Variants in TARM1 observed in about 807,000 individuals in gnomAD.
The protein encoded by TARM1 is T cell-interacting, activating receptor on myeloid cells 1.
Under a neutral mutation model 30.4 loss-of-function variants are expected in TARM1, and 24 were observed. That is an observed-to-expected ratio of 0.79 (90% CI 0.57 to 1.11). TARM1 has a LOEUF of 1.11. Among genes scored for constraint, TARM1 ranks in the 50% least tolerant of loss-of-function variants. TARM1 has a pLI of 0.00. For missense variants in TARM1, 323 were observed against 332.8 expected, an observed-to-expected ratio of 0.97 and a Z score of 0.23; for synonymous variants, 129 against 138.9, an observed-to-expected ratio of 0.93 and a Z score of 0.50.
chr19:54,080,108 G>GAGAAAGAGA (rs2072067422), intron 1 of TARM1, among the ~76,000 whole-genome samples: 4 of 21,470 alleles, frequency 1.9e-4, no homozygotes, highest in African/African-American at 1.0e-3. Context: ...AGGAAGGAAG[G>GAGAAAGAGA]AAGGAAGGAA....
At chr19:54,076,431 C>T (rs587740192) in intron 1 of TARM1, 93 of 478,392 alleles carry the variant, frequency 1.9e-4, no homozygotes, top group Admixed American at 1.0e-3. Flanking sequence ...GACGCAATCT[C>T]GGCTCACTGC....
chr19:54,075,812 G>T (rs2146214883), intron 2 of TARM1, 71 bp downstream of exon 2: 2 of 1,482,328 alleles, frequency 1.3e-6, no homozygotes, highest in Non-Finnish European at 1.8e-6. Context: ...GAAAAAGAGG[G>T]GGAAGGGGAA....
chr19:54,077,032 A>G (rs2071972397), intron 1 of TARM1, among the ~76,000 whole-genome samples: 1 of 152,012 alleles, frequency 6.6e-6, no homozygotes, highest in Non-Finnish European at 1.5e-5. Context: ...ACATGGCTGC[A>G]TTTGCTCTTC....
intron 4 of TARM1, among the ~76,000 whole-genome samples, chr19:54,072,480 T>G (rs587755043): frequency 1.8e-4 from 27 of 152,232 alleles, no homozygotes; most frequent in African/African-American, 5.8e-4. Context: ...AGCAGGAGGC[T>G]GTGCAAACAC....
At chr19:54,081,255 C>T in intron 1 of TARM1, 52 bp downstream of exon 1, 1 of 1,528,984 alleles carries the variant, frequency 6.5e-7, no homozygotes, top group South Asian at 1.2e-5. Context: ...CCAACTATCC[C>T]ACCAGTTCCA....
Position 54,081,321 on chromosome 19 carries a change from G to A in TARM1, c.20C>T (p.Ser7Phe). Residue 7 changes from serine to phenylalanine, a missense_variant, in exon 1 of 5, where the codon TCC (serine) becomes TTC (phenylalanine). Physicochemically the swap from Ser to Phe is radical, Grantham distance 155. Transcript: ENST00000432826. MIPKLL[S>F]LLCFRLCVGQ... is the part of the protein sequence containing the mutation. ...GTGAGACTTACTGAAACAGAGGAGG[G>A]AAAGCAGCTTAGGGATCATGATGGC... is the stretch of plus-strand genomic sequence containing the variant. 1 of 1,546,538 alleles carries A rather than the reference G, an allele frequency of 6.5e-7. No individual in the cohort carries two copies. Among genetic ancestry groups the A allele is most frequent in the Non-Finnish European group, 8.7e-7 (1 of 1,145,158 alleles).
chr19:54,077,293 T>G (rs1300387169), intron 1 of TARM1, among the ~76,000 whole-genome samples: 2 of 151,160 alleles, frequency 1.3e-5, no homozygotes, highest in Non-Finnish European at 2.9e-5. Context: ...AGGCAGAGAA[T>G]CGCTTGAACC....
chr19:54,076,336 T>TTCTTTCTTTCATTCAC, intron 1 of TARM1: 1 of 664,092 alleles, frequency 1.5e-6, no homozygotes, highest in Non-Finnish European at 2.1e-6. Context: ...TTTTCTTTCT[T>TTCTTTCTTTCATTCAC]TCTTTCTTTC....
In TARM1 at chr19:54,074,945, G is replaced by A. The variant is rs752531995; in HGVS notation, c.240C>T (p.Ala80=). The A allele has an allele frequency of 6.8e-5, 105 of 1,551,338 alleles. 2 individuals carry two copies. The Middle Eastern group carries it at 1.5e-3, about 22-fold the overall frequency. Residue 80 remains alanine, a synonymous_variant, in exon 3 of 5, where the codon GCC becomes GCT. Transcript: ENST00000432826. ...CTTTTAGATTATTGAGGTGAAATTC[G>A]GCCGCGCCCTCTGTAGAATCAAGGG... The part of the protein sequence containing the change: ...PKPLDSTEGA[A]EFHLNNLKVR...
At chr19:54,078,355 T>TTTG (rs1325748836) in intron 1 of TARM1, among the ~76,000 whole-genome samples, 1 of 151,382 alleles carries the variant, frequency 6.6e-6, no homozygotes, top group East Asian at 1.9e-4. Flanking sequence ...CCAGCTCATT[T>TTTG]TTGTTGTTGT....
chr19:54,078,971 A>G (rs1257099387), intron 1 of TARM1, among the ~76,000 whole-genome samples: 1 of 151,218 alleles, frequency 6.6e-6, no homozygotes, highest in East Asian at 2.0e-4. Flanking sequence ...TAAAAATTAG[A>G]ATGGGCTGGA....
intron 4 of TARM1, among the ~76,000 whole-genome samples, chr19:54,073,506 G>T (rs55826339): frequency 5.5e-5 from 8 of 146,262 alleles, no homozygotes; most frequent in Admixed American, 6.8e-5. Flanking sequence ...TTTGTTTTTT[G>T]TTTTTGAGAC....
In TARM1 at chr19:54,074,999, C is replaced by T; in HGVS notation, c.186G>A (p.Lys62=). The change falls in exon 3 of 5, where the codon AAG becomes AAA. Residue 62 remains lysine, a synonymous_variant. Transcript: ENST00000432826. ...PARGVSFVLR[K]GGIILESPKP... ...TCGGGGACTCCAGAATAATTCCTCC[C>T]TTCCTGAGAACAAAGCTCACACCTC... 1 of 1,551,492 alleles carries T rather than the reference C, an allele frequency of 6.4e-7. No individual in the cohort carries two copies. The highest frequency in any genetic ancestry group is 1.2e-5 in the South Asian group (1 of 84,038).
chr19:54,075,815 A>G lies in TARM1; in HGVS notation c.70+68T>C. 4.2e-5 allele frequency: 61 copies of G among 1,469,666 alleles called. No homozygotes were observed. The South Asian group carries it at 4.6e-4, about 11-fold the overall frequency. The allele number at this position is 1,469,666 out of a possible 1,614,324, so 91.0% of individuals were successfully genotyped here. A position where few individuals can be genotyped will look rare whatever the true frequency, so the allele number is the denominator to read the frequency against. On this transcript the variant is annotated intron_variant, in intron 2 of 4. Coordinates refer to ENST00000432826, the MANE Select transcript of TARM1 (RefSeq NM_001135686.3). ...AAAAAAAAAAGAGAAAAAGAGGGGG[A>G]AGGGGAAGAGAACAGCAGGGGATTT...
chr19:54,076,762 T>C (rs1173059854), intron 1 of TARM1, among the ~76,000 whole-genome samples: 4 of 151,896 alleles, frequency 2.6e-5, no homozygotes, highest in Non-Finnish European at 5.9e-5. Flanking sequence ...TGGCTCACTG[T>C]AGCCTCCCAG....
At chr19:54,075,819 G>T in intron 2 of TARM1, 64 bp downstream of exon 2, 3 of 1,500,158 alleles carry the variant, frequency 2.0e-6, no homozygotes, top group Non-Finnish European at 2.7e-6. Flanking sequence ...AGGGGGAAGG[G>T]GAAGAGAACA....
rs587701642 is a variant in TARM1, at chr19:54,081,349, C to G, written c.-9G>C. 1.3e-6 allele frequency: 2 copies of G among 1,534,736 alleles called. No homozygotes were observed. The highest frequency in any genetic ancestry group is 1.8e-6 in the Non-Finnish European group (2 of 1,140,684). On this transcript the variant is annotated 5_prime_UTR_variant, in exon 1 of 5. Transcript: ENST00000432826. ...AGCAGCTTAGGGATCATGATGGCTCCTTAGCCCTCCCAGAGTCCGTCTTGG... is the reference window on the plus strand; with the variant it reads ...AGCAGCTTAGGGATCATGATGGCTCGTTAGCCCTCCCAGAGTCCGTCTTGG...
chr19:54,073,837 AAGAAATG>A, intron 4 of TARM1, 76 bp downstream of exon 4: 1 of 1,446,048 alleles, frequency 6.9e-7, no homozygotes, highest in African/African-American at 1.4e-5. Context: ...GTAAGTAATG[AAGAAATG>A]AGATTCACAG....
intron 4 of TARM1, among the ~76,000 whole-genome samples, chr19:54,073,109 A>G (rs1277453491): frequency 6.6e-6 from 1 of 151,682 alleles, no homozygotes; most frequent in African/African-American, 2.4e-5. Flanking sequence ...GATGTAGTAT[A>G]ACAAAAAGGC....
Sources: allele counts gnomAD v4.1 joint callset (sites outside exome capture counted in the v4.1 genomes callset), GRCh38; gene constraint gnomAD v4.1.1; transcripts MANE v1.5; gene names NCBI Gene and HGNC (gene_info 2026-07-23, HGNC 2026-07-21).